Variants in PCSK5 observed in about 807,000 individuals in gnomAD.
The protein encoded by PCSK5 is proprotein convertase subtilisin/kexin type 5.
A neutral mutation model predicts 233.2 loss-of-function variants in PCSK5; 129 were observed. That is an observed-to-expected ratio of 0.55 (90% confidence interval 0.48 to 0.64). The LOEUF (loss-of-function observed/expected upper bound fraction) is 0.64. Among genes scored for constraint, PCSK5 ranks in the 30% least tolerant of loss-of-function variants. The pLI is 0.00. For synonymous variants in PCSK5, 825 were observed against 879.2 expected (o/e 0.94, Z 1.09); for missense variants, 2,076 against 2,430.1 (o/e 0.85, Z 3.06).
At chr9:76,077,488 G>C (rs1173880777) in intron 7 of PCSK5, among the ~76,000 whole-genome samples, 2 of 152,126 alleles carry the variant, frequency 1.3e-5, no homozygotes, top group Non-Finnish European at 2.9e-5. Context: ...TAAATTGTGT[G>C]ATGCTGAGGC....
intron 7 of PCSK5, among the ~76,000 whole-genome samples, chr9:76,090,879 T>C (rs908479740): frequency 6.6e-6 from 1 of 152,076 alleles, no homozygotes; most frequent in Non-Finnish European, 1.5e-5. Context: ...AATGGTCCCA[T>C]CTGGGGGTGA....
chr9:76,074,037 A>C (rs1368675538), intron 7 of PCSK5, among the ~76,000 whole-genome samples: 2 of 152,228 alleles, frequency 1.3e-5, no homozygotes, highest in East Asian at 3.8e-4. Context: ...TTAATTATGA[A>C]AGTAAACTAT....
chr9:76,205,707 A>C (rs1346027624), intron 20 of PCSK5, among the ~76,000 whole-genome samples: 1 of 152,210 alleles, frequency 6.6e-6, no homozygotes, highest in African/African-American at 2.4e-5. Flanking sequence ...TTGTTGTCTC[A>C]GGCTAATTAT....
intron 20 of PCSK5, among the ~76,000 whole-genome samples, chr9:76,192,983 C>CTTTTT (rs5898460): frequency 2.0e-5 from 3 of 147,414 alleles, no homozygotes; most frequent in African/African-American, 7.5e-5. Context: ...TTTTTCTAAT[C>CTTTTT]TTTTTTTTTT....
chr9:76,297,725 T>C (rs1449553457), intron 27 of PCSK5, among the ~76,000 whole-genome samples: 1 of 152,048 alleles, frequency 6.6e-6, no homozygotes, highest in Non-Finnish European at 1.5e-5. Context: ...AGGCAAGAAT[T>C]TGTTAAAAGG....
At chr9:76,312,956 T>C (rs1828906824) in intron 30 of PCSK5, among the ~76,000 whole-genome samples, 1 of 152,088 alleles carries the variant, frequency 6.6e-6, no homozygotes, top group Admixed American at 6.5e-5. Flanking sequence ...GGCCTTAATA[T>C]ACAAAGGGCT....
intron 24 of PCSK5, among the ~76,000 whole-genome samples, chr9:76,252,482 C>A (rs1164580634): frequency 1.3e-5 from 2 of 152,124 alleles, no homozygotes; most frequent in African/African-American, 4.8e-5. Flanking sequence ...GAGCTGTCAG[C>A]CTTCAAGGCC....
intron 3 of PCSK5, among the ~76,000 whole-genome samples, chr9:76,021,812 G>T (rs892463515): frequency 6.6e-6 from 1 of 152,142 alleles, no homozygotes; most frequent in Non-Finnish European, 1.5e-5. Context: ...GGATGTAGTT[G>T]GAATAAAAGC....
intron 20 of PCSK5, chr9:76,193,419 A>AAAAAT (rs397785743): frequency 6.9e-6 from 8 of 1,153,674 alleles, no homozygotes; most frequent in Non-Finnish European, 9.2e-6. Context: ...AAAAGAAAAA[A>AAAAAT]GCCAAAAAGA....
intron 10 of PCSK5, among the ~76,000 whole-genome samples, chr9:76,152,291 C>A (rs1163343609): frequency 6.6e-6 from 1 of 152,166 alleles, no homozygotes; most frequent in African/African-American, 2.4e-5. Flanking sequence ...CAGTCCTGTG[C>A]AAATCTGGAC....
intron 30 of PCSK5, among the ~76,000 whole-genome samples, chr9:76,320,826 T>G (rs1387978654): frequency 6.6e-6 from 1 of 150,994 alleles, no homozygotes; most frequent in Non-Finnish European, 1.5e-5. Flanking sequence ...TTTTGTTTTT[T>G]TTTTTTTAAG....
intron 32 of PCSK5, among the ~76,000 whole-genome samples, chr9:76,326,837 G>T (rs936315504): frequency 6.8e-6 from 1 of 146,530 alleles, no homozygotes; most frequent in Admixed American, 6.9e-5. Context: ...AGGCAGAGGT[G>T]CAGGACAGGG....
chr9:76,207,030 T>A (rs1212814980), intron 20 of PCSK5, among the ~76,000 whole-genome samples: 2 of 152,080 alleles, frequency 1.3e-5, no homozygotes, highest in Non-Finnish European at 2.9e-5. Context: ...CCTTCCTCCA[T>A]CTTCAAAGCC....
At chr9:76,032,900 C>T (rs544746330) in intron 5 of PCSK5, among the ~76,000 whole-genome samples, 22 of 152,236 alleles carry the variant, frequency 1.4e-4, no homozygotes, top group Non-Finnish European at 2.9e-4. Flanking sequence ...TTTGAACGAG[C>T]GGTATGTGGG....
intron 2 of PCSK5, among the ~76,000 whole-genome samples, chr9:75,942,979 G>T (rs1211529362): frequency 1.3e-5 from 2 of 150,076 alleles, no homozygotes; most frequent in Non-Finnish European, 3.0e-5. Flanking sequence ...CTGCCTTCCG[G>T]GTTCCAGCTA....
chr9:76,160,647 G>A (rs1822813988), intron 12 of PCSK5, among the ~76,000 whole-genome samples: 1 of 152,190 alleles, frequency 6.6e-6, no homozygotes, highest in East Asian at 1.9e-4. Flanking sequence ...ACGGCCAACA[G>A]TGAGACCGAA....
At position 76,239,144 on chromosome 9, in the gene PCSK5, CAGA is replaced by C; in HGVS notation, c.3055_3057del (p.Lys1019del). 1 of 1,588,176 alleles carries C rather than the reference CAGA, an allele frequency of 6.3e-7. No homozygotes were observed. Among genetic ancestry groups the C allele is most frequent in the East Asian group, 2.3e-5 (1 of 43,520 alleles). On this transcript the variant is annotated inframe_deletion, in exon 23 of 38. Transcript: ENST00000674117. ...CATAGCGCCCACCAACCACACATGCCAGAAGTTAGAGTGTGGACAAGGTAAGCC... is the reference window on the plus strand; with the variant it reads ...CATAGCGCCCACCAACCACACATGCCAGTTAGAGTGTGGACAAGGTAAGCC...
intron 5 of PCSK5, among the ~76,000 whole-genome samples, chr9:76,052,383 G>A (rs574521179): frequency 9.2e-5 from 14 of 152,224 alleles, no homozygotes; most frequent in East Asian, 7.7e-4. Flanking sequence ...CCACATGGCC[G>A]GGAAGACCTC....
Position 76,354,101 on chromosome 9 carries a change from C to A in PCSK5, c.5136C>A (p.Asn1712Lys), listed in dbSNP as rs763681905. 3 of 1,607,780 alleles carry A rather than the reference C, an allele frequency of 1.9e-6. No homozygotes were observed. Among genetic ancestry groups the A allele is most frequent in the Non-Finnish European group, 1.7e-6 (2 of 1,177,768 alleles). The change falls in exon 37 of 38, where the codon AAC (asparagine) becomes AAA (lysine). Residue 1712 changes from asparagine (N) to lysine (K), a missense_variant. Physicochemically the swap from Asn to Lys is moderately conservative, Grantham distance 94 (BLOSUM62 0). Transcript: ENST00000674117. ...AATGCAAGGGACCAGGGGCCAAGAA[C>A]TGCACCTTGTGCCCTGCCAACCTGG... The part of the protein sequence containing the change: ...CMECKGPGAK[N>K]CTLCPANLVL...
Sources: gnomAD v4.1 joint callset for allele counts (sites outside exome capture counted in the v4.1 genomes callset) on GRCh38, gnomAD v4.1.1 for gene constraint, MANE v1.5 for transcripts, NCBI Gene and HGNC (gene_info 2026-07-23, HGNC 2026-07-21) for gene names.